The following VRK2 variants were observed in gnomAD, a reference collection of about 807,000 sequenced individuals.
The protein encoded by VRK2 is VRK serine/threonine kinase 2.
Under a neutral mutation model 57.6 loss-of-function variants are expected in VRK2, and 60 were observed. That is an observed-to-expected ratio of 1.04 (90% CI 0.85 to 1.29). The LOEUF is 1.29. Ranked by LOEUF, VRK2 falls within the 50% of genes most tolerant of loss-of-function variation. The pLI is 0.00. For missense variants in VRK2, 705 were observed against 588.1 expected, an observed-to-expected ratio of 1.20 and a Z score of -2.06; for synonymous variants, 231 against 199.2, an observed-to-expected ratio of 1.16 and a Z score of -1.35.
At chr2:58,141,169 A>C (rs1681269516) in intron 11 of VRK2, among the ~76,000 whole-genome samples, 1 of 152,070 alleles carries the variant, frequency 6.6e-6, no homozygotes, top group African/African-American at 2.4e-5. Flanking sequence ...GCAACAAAAC[A>C]AAGAGCCATT....
chr2:58,002,370 CG>C (rs1673116159), intron 1 of VRK2, among the ~76,000 whole-genome samples: 1 of 151,870 alleles, frequency 6.6e-6, no homozygotes, highest in South Asian at 2.1e-4. Context: ...CCCAGCTACT[CG>C]GGAGGCTGAG....
intron 1 of VRK2, among the ~76,000 whole-genome samples, chr2:57,915,079 C>A (rs958078492): frequency 6.6e-6 from 1 of 151,786 alleles, no homozygotes; most frequent in Non-Finnish European, 1.5e-5. Flanking sequence ...ATATATTTAC[C>A]TAAAAAGGAC....
chr2:58,025,812 A>G (rs1459604862), intron 2 of VRK2: 1 of 152,048 alleles, frequency 6.6e-6, no homozygotes, highest in Non-Finnish European at 1.5e-5. Flanking sequence ...TGCTAAGGAC[A>G]CTCAAAACCT....
chr2:58,124,398 G>GA (rs1159086852), intron 8 of VRK2, among the ~76,000 whole-genome samples: 5 of 152,042 alleles, frequency 3.3e-5, no homozygotes, highest in Admixed American at 3.3e-4. Flanking sequence ...TTATGCTAGT[G>GA]AAAAAATGGT....
intron 2 of VRK2, among the ~76,000 whole-genome samples, chr2:58,076,106 C>CTTTTTTTTTTTTTT (rs71394406): frequency 1.6e-5 from 2 of 121,814 alleles, no homozygotes; most frequent in African/African-American, 3.1e-5. Context: ...CTACTGTCTT[C>CTTTTTTTTTTTTTT]TTTTTTTTTT....
chr2:57,939,101 G>A (rs1671011049), intron 1 of VRK2, among the ~76,000 whole-genome samples: 1 of 152,162 alleles, frequency 6.6e-6, no homozygotes, highest in African/African-American at 2.4e-5. Context: ...GAGCAGAGAA[G>A]GAAGCAATCT....
chr2:58,136,149 GAGGAA>G (rs1273554878), intron 10 of VRK2, among the ~76,000 whole-genome samples: 1 of 152,026 alleles, frequency 6.6e-6, no homozygotes, highest in Non-Finnish European at 1.5e-5. Flanking sequence ...TTCATTTGTG[GAGGAA>G]AGGAAAGAAT....
At chr2:58,012,392 T>A (rs1272613265) in intron 1 of VRK2, among the ~76,000 whole-genome samples, 1 of 152,348 alleles carries the variant, frequency 6.6e-6, no homozygotes, top group South Asian at 2.1e-4. Flanking sequence ...ACCCCTTTCC[T>A]GTAACATGAG....
intron 1 of VRK2, among the ~76,000 whole-genome samples, chr2:57,992,598 G>A (rs1008892410): frequency 6.6e-6 from 1 of 152,126 alleles, no homozygotes; most frequent in South Asian, 2.1e-4. Context: ...CTGCAGTGGC[G>A]CAATCTCAGC....
chr2:58,078,616 G>A (rs72810334), intron 2 of VRK2, among the ~76,000 whole-genome samples: 15,045 of 151,852 alleles, frequency 0.099, 796 homozygotes, highest in East Asian at 0.14. Context: ...TCCCATCAAC[G>A]GTGCACAAGA....
intron 2 of VRK2, among the ~76,000 whole-genome samples, chr2:58,026,289 C>T (rs987686891): frequency 1.6e-4 from 24 of 151,616 alleles, no homozygotes; most frequent in South Asian, 4.2e-4. Context: ...TGTGTGTGCG[C>T]GCGCACACAC....
chr2:58,005,432 T>A (rs977309959), intron 1 of VRK2, among the ~76,000 whole-genome samples: 2 of 152,088 alleles, frequency 1.3e-5, no homozygotes, highest in Non-Finnish European at 2.9e-5. Flanking sequence ...TTTGATACAG[T>A]TGTTTCTGGT....
chr2:58,048,613 A>G (rs1348750780), intron 1 of VRK2: 2 of 1,478,980 alleles, frequency 1.4e-6, no homozygotes, highest in Admixed American at 2.0e-5. Flanking sequence ...TTTTTTTAAA[A>G]TATCTATACC....
chr2:57,993,402 T>C (rs1672830475), intron 1 of VRK2, among the ~76,000 whole-genome samples: 1 of 151,800 alleles, frequency 6.6e-6, no homozygotes, highest in South Asian at 2.1e-4. Flanking sequence ...TAAATTGTGC[T>C]AAGCAATGGG....
In VRK2 at chr2:58,159,543, G is replaced by A. The variant is rs374699085; in HGVS notation, c.1377G>A (p.Thr459=). 28 of 1,613,594 alleles carry A rather than the reference G, an allele frequency of 1.7e-5. No individual in the cohort carries two copies. Among genetic ancestry groups the A allele is most frequent in the Middle Eastern group, 3.3e-4 (2 of 6,082 alleles). The part of the protein sequence containing the change: ...SWYKYTSTVS[T]GITDLESSTG... ...ATAAATACACTTCCACAGTCAGCAC[G>A]GGGATCACAGACTTAGAAAGTTCAA... Residue 459 remains threonine (T), a synonymous_variant, in exon 13 of 13, where the codon ACG becomes ACA. Transcript: ENST00000340157.
At chr2:57,938,620 T>C (rs1572883894) in intron 1 of VRK2, among the ~76,000 whole-genome samples, 1 of 152,146 alleles carries the variant, frequency 6.6e-6, no homozygotes, top group Non-Finnish European at 1.5e-5. Context: ...CTACTAACTT[T>C]CATGGCTTTC....
At chr2:58,148,323 G>C (rs1273198326) in intron 12 of VRK2, among the ~76,000 whole-genome samples, 1 of 151,690 alleles carries the variant, frequency 6.6e-6, no homozygotes, top group Non-Finnish European at 1.5e-5. Flanking sequence ...TCATATATCT[G>C]TTCTTACAAA....
At chr2:58,112,683 T>G (rs1356720150) in intron 7 of VRK2, among the ~76,000 whole-genome samples, 1 of 152,022 alleles carries the variant, frequency 6.6e-6, no homozygotes, top group Non-Finnish European at 1.5e-5. Flanking sequence ...ACCCTCTTCA[T>G]ATGGAAGAGG....
At chr2:57,977,460 A>AT (rs911715058) in intron 1 of VRK2, among the ~76,000 whole-genome samples, 15 of 150,990 alleles carry the variant, frequency 9.9e-5, no homozygotes, top group African/African-American at 3.4e-4. Flanking sequence ...ATTCCTGGGT[A>AT]TTTTTTTTCT....
Sources: gnomAD v4.1 joint callset for allele counts (sites outside exome capture counted in the v4.1 genomes callset) on GRCh38, gnomAD v4.1.1 for gene constraint, MANE v1.5 for transcripts, NCBI Gene and HGNC (gene_info 2026-07-23, HGNC 2026-07-21) for gene names.